DROSHA: variants seen among roughly 807,000 people sequenced by gnomAD.
DROSHA encodes ribonuclease 3.
In DROSHA, 56 loss-of-function variants were observed where a neutral mutation model predicts 181.9. That is an observed-to-expected ratio of 0.31 (90% CI 0.25 to 0.38). DROSHA has a LOEUF of 0.38. Among genes scored for constraint, DROSHA ranks in the 10% least tolerant of loss-of-function variants. The probability of loss-of-function intolerance (pLI) is 1.00; values close to 1 mark genes in which losing one functional copy is unlikely to be tolerated. For synonymous variants in DROSHA, 524 were observed against 591.2 expected (o/e 0.89, Z 1.65); for missense variants, 1,218 against 1,743.5 (o/e 0.70, Z 5.37).
In DROSHA at chr5:31,422,567, C is replaced by T. The variant is rs376160611; in HGVS notation, c.3419+220G>A. ...TACTTCCTTCACACTTCTCCTAAAACTTAACAGAGAAACCAAGATGCATGA... is the reference window on the plus strand; with the variant it reads ...TACTTCCTTCACACTTCTCCTAAAATTTAACAGAGAAACCAAGATGCATGA... On this transcript the variant is annotated intron_variant, in intron 29 of 35. Coordinates refer to ENST00000344624, the MANE Select transcript of DROSHA (RefSeq NM_001382508.1). Among the ~76,000 whole-genome samples, 3 of 152,316 alleles carry T rather than the reference C, an allele frequency of 2.0e-5. No individual in the cohort carries two copies. In the East Asian group the frequency reaches 5.8e-4, roughly 29 times the overall value.
chr5:31,410,702 A>G, intron 31 of DROSHA, 44 bp downstream of exon 31: 2 of 1,591,010 alleles, frequency 1.3e-6, no homozygotes, highest in African/African-American at 1.4e-5. Flanking sequence ...ACTTGGACTT[A>G]AACTCTGAAC....
At chr5:31,516,800 T>C (rs1739318661) in intron 6 of DROSHA, among the ~76,000 whole-genome samples, 1 of 152,200 alleles carries the variant, frequency 6.6e-6, no homozygotes, top group Non-Finnish European at 1.5e-5. Context: ...TTTTAATAGG[T>C]ACATTATTAT....
chr5:31,504,449 G>C (rs1737670010), intron 11 of DROSHA, 106 bp downstream of exon 11: 2 of 1,263,530 alleles, frequency 1.6e-6, no homozygotes, highest in Admixed American at 2.2e-5. Context: ...GGAATATGAA[G>C]AGAATTTTGA....
rs568948270 is a variant in DROSHA at position 31,479,646 on chromosome 5, CAAG to C, written c.2071+3905_2071+3907del. Among the ~76,000 whole-genome samples the C allele has an allele frequency of 4.6e-5, 7 of 152,002 alleles. No homozygotes were observed. In the East Asian group the frequency reaches 9.6e-4, roughly 21 times the overall value. On this transcript the variant is annotated intron_variant, in intron 16 of 35. Transcript: ENST00000344624. ...AGAATTTCTATTCAACAAAAATCATCAAGAAGATCAAAAAGCAATCTACAGAGA... is the reference window on the plus strand; with the variant it reads ...AGAATTTCTATTCAACAAAAATCATCAAGATCAAAAAGCAATCTACAGAGA...
At chr5:31,506,223 A>G (rs6869652) in intron 10 of DROSHA, among the ~76,000 whole-genome samples, 148,175 of 152,102 alleles carry the variant, frequency 0.97, 72,216 homozygotes, top group East Asian at 1. Flanking sequence ...TTAACTGGGC[A>G]TGGTGGTGGG....
intron 6 of DROSHA, among the ~76,000 whole-genome samples, chr5:31,518,255 T>A (rs1156354482): frequency 6.6e-6 from 1 of 152,216 alleles, no homozygotes; most frequent in African/African-American, 2.4e-5. Flanking sequence ...GGTATTATAA[T>A]CTTTGGGACC....
intron 16 of DROSHA, among the ~76,000 whole-genome samples, chr5:31,477,792 T>C (rs1750575827): frequency 6.6e-6 from 1 of 152,226 alleles, no homozygotes; most frequent in Non-Finnish European, 1.5e-5. Context: ...CTAGTTCATA[T>C]CAACTATTTT....
chr5:31,525,148 T>C (rs957077430), intron 5 of DROSHA, among the ~76,000 whole-genome samples: 3 of 151,848 alleles, frequency 2.0e-5, no homozygotes, highest in Admixed American at 6.6e-5. Context: ...CTGCCTAACA[T>C]GGCAAAACCC....
rs966697883 is a variant in DROSHA, at chr5:31,485,539, G to A, written c.1915-577C>T. The stretch of plus-strand genomic sequence containing the variant: ...ATTCTTCCTCCTACTTGTTTTGCTC[G>A]GAGTTCATAAATCACCCTGCGTGAG... On this transcript the variant is annotated intron_variant, in intron 14 of 35. Coordinates refer to ENST00000344624, the MANE Select transcript of DROSHA (RefSeq NM_001382508.1). Among the ~76,000 whole-genome samples the A allele has an allele frequency of 3.3e-5, 5 of 151,086 alleles. No homozygotes were observed. The East Asian group carries it at 5.9e-4, about 18-fold the overall frequency.
chr5:31,469,842 T>C (rs1284906630), intron 17 of DROSHA, among the ~76,000 whole-genome samples: 1 of 152,234 alleles, frequency 6.6e-6, no homozygotes, highest in African/African-American at 2.4e-5. Context: ...ATGACAAAAG[T>C]ATTCCTTGGA....
At chr5:31,467,081 C>T (rs1017564700) in intron 18 of DROSHA, 2 of 135,560 alleles carry the variant, frequency 1.5e-5, no homozygotes, top group South Asian at 5.1e-4. Flanking sequence ...CTGGGCCTCT[C>T]CTTTTTTGAA....
chr5:31,526,400 G>A lies in DROSHA; in HGVS notation c.533C>T (p.Pro178Leu). ...YPPGYSHHNFPPPSFNSFQNN... is the reference protein window; with the variant it reads ...YPPGYSHHNFLPPSFNSFQNN... Reference sequence around the variant, plus strand: ...CTGGAAACTATTAAAACTGGGAGGTGGGAAGTTGTGGTGAGAATAGCCCGG... The same window carrying A: ...CTGGAAACTATTAAAACTGGGAGGTAGGAAGTTGTGGTGAGAATAGCCCGG... Residue 178 changes from proline to leucine, a missense_variant, in exon 5 of 36, where the codon CCA (proline) becomes CTA (leucine). This residue lies in a region of DROSHA where 536 missense variants were observed against 535.4 expected (regional missense o/e 1.00). Coordinates refer to ENST00000344624, the MANE Select transcript of DROSHA (RefSeq NM_001382508.1). 1 of 1,613,660 alleles carries A rather than the reference G, an allele frequency of 6.2e-7. No individual in the cohort carries two copies. Among genetic ancestry groups the A allele is most frequent in the Non-Finnish European group, 8.5e-7 (1 of 1,179,818 alleles).
intron 29 of DROSHA, chr5:31,421,605 G>A (rs1742666154): frequency 1.8e-5 from 8 of 453,668 alleles, no homozygotes; most frequent in East Asian, 1.0e-4. Flanking sequence ...AGGATTAAAC[G>A]ATTGCCAAAA....
Position 31,493,937 on chromosome 5 carries a change from T to TGTGTGTGTGTGTG in DROSHA, c.1756-645_1756-644insCACACACACACAC, listed in dbSNP as rs1554041127. Among the ~76,000 whole-genome samples, 242 of 144,816 alleles carry TGTGTGTGTGTGTG rather than the reference T, an allele frequency of 1.7e-3. 4 individuals are homozygous for TGTGTGTGTGTGTG. The highest frequency in any genetic ancestry group is 7.0e-3 in the South Asian group (31 of 4,438). ...CTTATGCCATTCTTATAACCCACCATTGTGTGTGTGTGTGTGTGTGTGTGT... is the reference window on the plus strand; with the variant it reads ...CTTATGCCATTCTTATAACCCACCATGTGTGTGTGTGTGTGTGTGTGTGTGTGTGTGTGTGTGT... On this transcript the variant is annotated intron_variant, in intron 12 of 35. Transcript: ENST00000344624.
In DROSHA at chr5:31,425,177, C is replaced by CAA. The variant is rs3840330; in HGVS notation, c.3217-708_3217-707dup. On this transcript the variant is annotated intron_variant, in intron 27 of 35. Coordinates refer to ENST00000344624, the MANE Select transcript of DROSHA (RefSeq NM_001382508.1). ...GATATTAGATTTCTGAAATAAATAA[C>CAA]AAAAAAAATTCCTTAAGAGGAAAAA... is the stretch of plus-strand genomic sequence containing the variant. 2.6e-5 allele frequency among the ~76,000 whole-genome samples: 4 copies of CAA among 151,030 alleles called. No homozygotes were observed. In the East Asian group the frequency reaches 5.9e-4, roughly 22 times the overall value.
chr5:31,412,315 C>T lies in DROSHA; in HGVS notation c.3526-1428G>A, dbSNP rs115271903. Among the ~76,000 whole-genome samples, 211 of 152,240 alleles carry T rather than the reference C, an allele frequency of 1.4e-3. 1 individual carries two copies. The highest frequency in any genetic ancestry group is 2.2e-3 in the Non-Finnish European group (150 of 68,022). ...TCTTAGAATACATATAACAAATTCTCGGTCTATTAAAAAACTTCCTGCTAA... is the reference window on the plus strand; with the variant it reads ...TCTTAGAATACATATAACAAATTCTTGGTCTATTAAAAAACTTCCTGCTAA... On this transcript the variant is annotated intron_variant, in intron 30 of 35. Transcript: ENST00000344624.
rs762915396 is a variant in DROSHA at position 31,521,183 on chromosome 5, T to C, written c.887A>G (p.Asp296Gly). Residue 296 changes from aspartate (D) to glycine (G), a missense_variant, in exon 6 of 36, where the codon GAC becomes GGC. Asp to Gly is a moderately conservative substitution (Grantham distance 94, BLOSUM62 -1). This residue lies in a region of DROSHA where 536 missense variants were observed against 535.4 expected (regional missense o/e 1.00). Coordinates refer to ENST00000344624, the MANE Select transcript of DROSHA (RefSeq NM_001382508.1). ...ERERERHRHR[D>G]NRRSPSLERS... ...TTCCAGAGATGGTGATCTTCGGTTG[T>C]CTCGATGCCTGTGTCTCTCCCGTTC... 3.1e-6 allele frequency: 5 copies of C among 1,613,750 alleles called. No individual in the cohort carries two copies. In the East Asian group the frequency reaches 8.9e-5, roughly 29 times the overall value.
chr5:31,402,925 G>A (rs1229828907), intron 35 of DROSHA, among the ~76,000 whole-genome samples: 1 of 152,194 alleles, frequency 6.6e-6, no homozygotes, highest in Non-Finnish European at 1.5e-5. Flanking sequence ...TGGGATTACA[G>A]GCGTGTGCCA....
chr5:31,458,022 C>G (rs777992410), intron 20 of DROSHA, among the ~76,000 whole-genome samples: 4 of 152,180 alleles, frequency 2.6e-5, no homozygotes, highest in African/African-American at 9.7e-5. Flanking sequence ...CAGTGAGATA[C>G]AGCTATAGAT....
Sources: gnomAD v4.1 joint callset for allele counts (sites outside exome capture counted in the v4.1 genomes callset) on GRCh38, gnomAD v4.1.1 for gene constraint, gnomAD v4.1.1 regional missense constraint, MANE v1.5 for transcripts, NCBI Gene and HGNC (gene_info 2026-07-23, HGNC 2026-07-21) for gene names.